The following CPAP variants were observed in gnomAD, a reference collection of about 807,000 sequenced individuals.
The protein encoded by CPAP is centrosome assembly and centriole elongation protein.
the CPAP span, among the ~76,000 whole-genome samples, chr13:24,888,806 ATG>A: frequency 2.0e-5 from 3 of 150,778 alleles, no homozygotes; most frequent in East Asian, 6.8e-4. Flanking sequence ...TGGAGGTTTT[ATG>A]TGTTAAGATT....
chr13:24,891,996 C>T, the CPAP span, among the ~76,000 whole-genome samples: 1 of 152,240 alleles, frequency 6.6e-6, no homozygotes, highest in Admixed American at 6.5e-5. Context: ...CGCCACTCCA[C>T]AGCCCTGCTT....
chr13:24,889,104 A>G, the CPAP span: 1 of 568,078 alleles, frequency 1.8e-6, no homozygotes, highest in South Asian at 2.1e-5. Flanking sequence ...GCAACAAGGT[A>G]AAATAATTTA....
At chr13:24,910,121 T>C in the CPAP span, 8 of 1,596,948 alleles carry the variant, frequency 5.0e-6, no homozygotes, top group Non-Finnish European at 6.8e-6. Context: ...GCTGATGACT[T>C]CCTTCAACAT....
At chr13:24,885,629 A>T in the CPAP span, 1 of 1,612,572 alleles carries the variant, frequency 6.2e-7, no homozygotes, top group Non-Finnish European at 8.5e-7. Flanking sequence ...AAATTGCCTA[A>T]ATCACGAGGA....
the CPAP span, among the ~76,000 whole-genome samples, chr13:24,903,550 A>G: frequency 1.3e-5 from 2 of 152,214 alleles, no homozygotes; most frequent in African/African-American, 4.8e-5. Context: ...CGGACTTTGG[A>G]CTTACAGCCT....
At chr13:24,911,664 G>A in the CPAP span, among the ~76,000 whole-genome samples, 8 of 151,194 alleles carry the variant, frequency 5.3e-5, no homozygotes, top group Non-Finnish European at 8.8e-5. Context: ...AGTCTCCAGA[G>A]TAGCTAGGAC....
At chr13:24,912,942 C>G in the CPAP span, 1 of 1,614,116 alleles carries the variant, frequency 6.2e-7, no homozygotes, top group Non-Finnish European at 8.5e-7. Context: ...TTAATATGAC[C>G]CCAGCCCGAG....
chr13:24,903,311 T>C, the CPAP span, among the ~76,000 whole-genome samples: 2 of 152,332 alleles, frequency 1.3e-5, no homozygotes, highest in African/African-American at 2.4e-5. Flanking sequence ...GATGACGTTA[T>C]ACTGGAGTAG....
At chr13:24,886,411 C>G in the CPAP span, 2 of 1,254,414 alleles carry the variant, frequency 1.6e-6, no homozygotes, top group South Asian at 1.2e-5. Flanking sequence ...GGTTCCATTA[C>G]ACCATGGGAA....
chr13:24,906,604 C>G, the CPAP span: 1 of 1,614,194 alleles, frequency 6.2e-7, no homozygotes, highest in South Asian at 1.1e-5. Context: ...CACATTTCTT[C>G]CCCGTCTGTA....
chr13:24,889,199 T>A, the CPAP span: 2 of 789,492 alleles, frequency 2.5e-6, no homozygotes, highest in Non-Finnish European at 4.4e-6. Context: ...ATTTATTAAT[T>A]CAAATTCATT....
the CPAP span, among the ~76,000 whole-genome samples, chr13:24,896,722 A>T: frequency 6.6e-6 from 1 of 152,240 alleles, no homozygotes; most frequent in Non-Finnish European, 1.5e-5. Flanking sequence ...GAAAAAAAGC[A>T]ATCAATCTCA....
the CPAP span, chr13:24,906,106 T>G: frequency 6.2e-7 from 1 of 1,612,992 alleles, no homozygotes. Context: ...CCTTCTCACG[T>G]GCAGTGTGGT....
chr13:24,905,730 T>C, the CPAP span: 2 of 1,614,232 alleles, frequency 1.2e-6, no homozygotes, highest in East Asian at 2.2e-5. Context: ...ATGCTTTCCA[T>C]GATAGACTCA....
At chr13:24,890,908 T>C in the CPAP span, among the ~76,000 whole-genome samples, 1 of 152,074 alleles carries the variant, frequency 6.6e-6, no homozygotes, top group Non-Finnish European at 1.5e-5. Flanking sequence ...CCTGCGTCAA[T>C]ATTTTCCTCT....
At chr13:24,910,475 T>C in the CPAP span, among the ~76,000 whole-genome samples, 1 of 152,248 alleles carries the variant, frequency 6.6e-6, no homozygotes, top group Non-Finnish European at 1.5e-5. Context: ...TCTGCCGGCC[T>C]TGGCCTCCCA....
chr13:24,895,234 C>G, the CPAP span, among the ~76,000 whole-genome samples: 3 of 152,256 alleles, frequency 2.0e-5, no homozygotes, highest in Admixed American at 6.5e-5. Flanking sequence ...CCCGGAGGAG[C>G]CCGGCTCCTT....
chr13:24,904,356 A>T, the CPAP span, among the ~76,000 whole-genome samples: 1 of 152,198 alleles, frequency 6.6e-6, no homozygotes, highest in Non-Finnish European at 1.5e-5. Flanking sequence ...AATATATATA[A>T]ATAGCTTAAG....
At chr13:24,896,099 G>C in the CPAP span, among the ~76,000 whole-genome samples, 1 of 152,114 alleles carries the variant, frequency 6.6e-6, no homozygotes, top group African/African-American at 2.4e-5. Context: ...TAAAAAGAAA[G>C]GTAAATACGG....
Sources: allele counts gnomAD v4.1 joint callset (sites outside exome capture counted in the v4.1 genomes callset), GRCh38; gene constraint gnomAD v4.1.1; transcripts MANE v1.5; gene names NCBI Gene and HGNC (gene_info 2026-07-23, HGNC 2026-07-21).